Variants in INVS observed in about 807,000 individuals in gnomAD.
The protein encoded by INVS is inversion of embryo turning homolog.
A neutral mutation model predicts 108.8 loss-of-function variants in INVS; 86 were observed. That is an observed-to-expected ratio of 0.79 (90% CI 0.66 to 0.95). INVS has a LOEUF of 0.95. Ranked by LOEUF, INVS falls within the 40% of genes least tolerant of loss-of-function variation. The pLI is 0.00. For synonymous variants in INVS, 455 were observed against 473.5 expected (o/e 0.96, Z 0.51); for missense variants, 1,169 against 1,297.4 (o/e 0.90, Z 1.52).
Position 100,104,504 on chromosome 9 carries a change from C to G in INVS, c.-18C>G, listed in dbSNP as rs754743722. ...GTCTGAATCATTGTTTCAGGTTGCT[C>G]CGGTTGCTAAGAAGACTATGAACAA... is the stretch of plus-strand genomic sequence containing the variant. On this transcript the variant is annotated 5_prime_UTR_variant, in exon 2 of 17. Coordinates refer to ENST00000262457, the MANE Select transcript of INVS (RefSeq NM_014425.5). The G allele has an allele frequency of 6.3e-7, 1 of 1,578,974 alleles. No individual in the cohort carries two copies.
At chr9:100,217,259 A>G (rs987302594) in intron 3 of INVS, among the ~76,000 whole-genome samples, 2 of 152,154 alleles carry the variant, frequency 1.3e-5, no homozygotes, top group African/African-American at 4.8e-5. Context: ...CAGTGAGCCA[A>G]GATCGCGCCA....
At chr9:100,134,406 T>C (rs1475622377) in intron 3 of INVS, among the ~76,000 whole-genome samples, 1 of 152,206 alleles carries the variant, frequency 6.6e-6, no homozygotes, top group African/African-American at 2.4e-5. Context: ...TATAAACATG[T>C]GTGAGCAAGT....
chr9:100,269,186 C>T (rs1588135689), intron 11 of INVS, among the ~76,000 whole-genome samples: 1 of 152,172 alleles, frequency 6.6e-6, no homozygotes, highest in Non-Finnish European at 1.5e-5. Flanking sequence ...AAACAATTTA[C>T]ATAACCTTTG....
intron 3 of INVS, among the ~76,000 whole-genome samples, chr9:100,151,566 C>T (rs1828809209): frequency 6.6e-6 from 1 of 152,108 alleles, no homozygotes; most frequent in South Asian, 2.1e-4. Context: ...GAATGGTGGC[C>T]TGATCCTGTA....
At chr9:100,246,156 AAAAAAAG>A (rs1283329535) in intron 7 of INVS, among the ~76,000 whole-genome samples, 4 of 152,000 alleles carry the variant, frequency 2.6e-5, no homozygotes, top group African/African-American at 7.3e-5. Flanking sequence ...CCCTCTCAAA[AAAAAAAG>A]AAAAAGAAAA....
intron 3 of INVS, among the ~76,000 whole-genome samples, chr9:100,170,209 C>A (rs750369528): frequency 7.9e-5 from 12 of 152,256 alleles, no homozygotes; most frequent in Non-Finnish European, 1.8e-4. Context: ...AGAGCTCTAT[C>A]TGTGGAAGTA....
chr9:100,111,308 G>A (rs1827331093), intron 2 of INVS, among the ~76,000 whole-genome samples: 1 of 152,262 alleles, frequency 6.6e-6, no homozygotes, highest in Non-Finnish European at 1.5e-5. Flanking sequence ...GCAAGTGACA[G>A]TCATTTCCTC....
chr9:100,198,096 C>G (rs1830429962), intron 3 of INVS, among the ~76,000 whole-genome samples: 2 of 151,972 alleles, frequency 1.3e-5, no homozygotes, highest in Non-Finnish European at 2.9e-5. Flanking sequence ...AAAATTTATA[C>G]AACATTATCC....
intron 3 of INVS, among the ~76,000 whole-genome samples, chr9:100,187,755 A>G (rs58197960): frequency 0.19 from 29,262 of 151,730 alleles, 4,480 homozygotes; most frequent in African/African-American, 0.43. Context: ...TCAAACTCCT[A>G]AGCTCAGGTG....
chr9:100,193,942 G>T (rs1830298852), intron 3 of INVS, among the ~76,000 whole-genome samples: 2 of 152,186 alleles, frequency 1.3e-5, no homozygotes, highest in South Asian at 4.1e-4. Context: ...ACAGCACCTA[G>T]CCTTGGATAC....
chr9:100,291,859 G>T (rs1424124058), intron 13 of INVS, among the ~76,000 whole-genome samples: 2 of 152,168 alleles, frequency 1.3e-5, no homozygotes, highest in Non-Finnish European at 2.9e-5. Flanking sequence ...CTTCAAGAGT[G>T]CTGGCTTCAT....
intron 3 of INVS, among the ~76,000 whole-genome samples, chr9:100,128,115 C>T (rs1827944533): frequency 6.6e-6 from 1 of 152,094 alleles, no homozygotes; most frequent in Admixed American, 6.6e-5. Flanking sequence ...GTATAACATC[C>T]TGTAGAAGTA....
At chr9:100,144,980 T>G (rs1381527729) in intron 3 of INVS, among the ~76,000 whole-genome samples, 1 of 152,138 alleles carries the variant, frequency 6.6e-6, no homozygotes, top group Non-Finnish European at 1.5e-5. Context: ...ACAAGAATTA[T>G]CTAGATCTTG....
At position 100,229,796 on chromosome 9, in the gene INVS, C is replaced by G; in HGVS notation, c.584C>G (p.Pro195Arg). 1 of 1,614,090 alleles carries G rather than the reference C, an allele frequency of 6.2e-7. No individual in the cohort carries two copies. The highest frequency in any genetic ancestry group is 1.3e-5 in the African/African-American group (1 of 75,022). ...CACTGGGCAGCCAACCATAAAGATC[C>G]AAGTGCTGTTCACACAGTGAGATGC... Reference protein sequence around the residue: ...PLHWAANHKDPSAVHTVRCIL... With the variant: ...PLHWAANHKDRSAVHTVRCIL... Residue 195 changes from proline to arginine, a missense_variant, in exon 5 of 17, where the codon CCA becomes CGA. By Grantham distance (103) the Pro-to-Arg change is moderately radical. Around this residue, in one of 3 missense-constraint regions of INVS, gnomAD observed 365 missense variants for 397.5 expected, o/e 0.92. Coordinates refer to ENST00000262457, the MANE Select transcript of INVS (RefSeq NM_014425.5).
At chr9:100,230,783 C>T (rs753440861) in intron 5 of INVS, among the ~76,000 whole-genome samples, 1 of 152,220 alleles carries the variant, frequency 6.6e-6, no homozygotes, top group Non-Finnish European at 1.5e-5. Context: ...TCCCAAAGTG[C>T]TGGGATTACA....
intron 3 of INVS, among the ~76,000 whole-genome samples, chr9:100,161,833 A>G (rs1829200463): frequency 6.6e-6 from 1 of 152,186 alleles, no homozygotes; most frequent in Non-Finnish European, 1.5e-5. Context: ...AAGCCCCAAA[A>G]CTGAAGGAAG....
intron 7 of INVS, 135 bp from the exon 8 acceptor site, chr9:100,246,481 G>A (rs1832052414): frequency 7.6e-6 from 5 of 658,450 alleles, no homozygotes; most frequent in Non-Finnish European, 1.3e-5. Flanking sequence ...TTAATAAAAA[G>A]ATAATTTAAT....
At chr9:100,199,925 A>T (rs1475641553) in intron 3 of INVS, among the ~76,000 whole-genome samples, 1 of 152,170 alleles carries the variant, frequency 6.6e-6, no homozygotes, top group Admixed American at 6.5e-5. Flanking sequence ...GACACCAATT[A>T]CACATAACAT....
intron 3 of INVS, among the ~76,000 whole-genome samples, chr9:100,187,525 C>CTTTTTTTTTTTTTTTTTTTTTTTTT (rs34728274): frequency 2.8e-5 from 3 of 105,564 alleles, no homozygotes; most frequent in African/African-American, 8.8e-5. Flanking sequence ...TCTATGATTT[C>CTTTTTTTTTTTTTTTTTTTTTTTTT]TTTTTTTTTT....
Sources: allele counts gnomAD v4.1 joint callset (sites outside exome capture counted in the v4.1 genomes callset), GRCh38; gene constraint gnomAD v4.1.1; regional missense constraint gnomAD v4.1.1; transcripts MANE v1.5; gene names NCBI Gene and HGNC (gene_info 2026-07-23, HGNC 2026-07-21).